The following FOXJ3 variants were observed in gnomAD, a reference collection of about 807,000 sequenced individuals.
FOXJ3 encodes forkhead box protein J3.
FOXJ3 carries 22 observed loss-of-function variants against 76.1 expected under a neutral mutation model. That is an observed-to-expected ratio of 0.29 (90% CI 0.21 to 0.41). The LOEUF (loss-of-function observed/expected upper bound fraction) is 0.41, where lower values mean the gene tolerates loss of function less well. Among genes scored for constraint, FOXJ3 ranks in the 10% least tolerant of loss-of-function variants. The probability of loss-of-function intolerance (pLI) is 1.00; values close to 1 mark genes in which losing one functional copy is unlikely to be tolerated. For synonymous variants in FOXJ3, 269 were observed against 261.2 expected (o/e 1.03, Z -0.29); for missense variants, 613 against 762.1 (o/e 0.80, Z 2.30).
intron 3 of FOXJ3, among the ~76,000 whole-genome samples, chr1:42,275,339 T>G (rs757144378): frequency 7.2e-5 from 11 of 152,216 alleles, no homozygotes; most frequent in Non-Finnish European, 1.3e-4. Flanking sequence ...TTCCTCTACA[T>G]GTATACACAC....
At chr1:42,313,264 G>A (rs538172243) in intron 1 of FOXJ3, among the ~76,000 whole-genome samples, 9 of 151,670 alleles carry the variant, frequency 5.9e-5, no homozygotes, top group Non-Finnish European at 8.8e-5. Flanking sequence ...TTGAACCTGG[G>A]AGGCAGAGGT....
At chr1:42,302,762 T>G (rs1016490170) in intron 2 of FOXJ3, among the ~76,000 whole-genome samples, 1 of 152,204 alleles carries the variant, frequency 6.6e-6, no homozygotes, top group African/African-American at 2.4e-5. Flanking sequence ...GTAGTATTAT[T>G]TTGCACTATA....
At chr1:42,254,929 CA>C (rs1196984744) in intron 4 of FOXJ3, among the ~76,000 whole-genome samples, 1 of 149,760 alleles carries the variant, frequency 6.7e-6, no homozygotes, top group East Asian at 2.0e-4. Context: ...CTAACCTGCA[CA>C]TTGTGCACAT....
chr1:42,200,146 C>T (rs1355832535), intron 6 of FOXJ3, among the ~76,000 whole-genome samples: 1 of 151,952 alleles, frequency 6.6e-6, no homozygotes, highest in Non-Finnish European at 1.5e-5. Flanking sequence ...CTTTGAGAAC[C>T]ACTGATACAC....
chr1:42,212,944 A>G (rs548695185), intron 5 of FOXJ3, among the ~76,000 whole-genome samples: 1 of 99,972 alleles, frequency 1.0e-5, no homozygotes, highest in South Asian at 3.2e-4. Flanking sequence ...TCAGCCAAGA[A>G]TTTTGTATCT....
chr1:42,237,351 G>A (rs1648729983), intron 4 of FOXJ3, among the ~76,000 whole-genome samples: 1 of 148,700 alleles, frequency 6.7e-6, no homozygotes, highest in Admixed American at 6.7e-5. Flanking sequence ...CTCCAGCCTG[G>A]GCAACAGGGC....
chr1:42,210,328 T>A (rs1455066633), intron 5 of FOXJ3, among the ~76,000 whole-genome samples: 1 of 152,228 alleles, frequency 6.6e-6, no homozygotes, highest in East Asian at 1.9e-4. Flanking sequence ...CCTGGTAGCA[T>A]AACACAACAG....
At chr1:42,269,578 G>A (rs1031199453) in intron 3 of FOXJ3, among the ~76,000 whole-genome samples, 1 of 152,122 alleles carries the variant, frequency 6.6e-6, no homozygotes, top group African/African-American at 2.4e-5. Context: ...TTCCTAACGT[G>A]TATTTCCAAC....
chr1:42,263,853 T>C (rs1490774130), intron 4 of FOXJ3, among the ~76,000 whole-genome samples: 1 of 151,210 alleles, frequency 6.6e-6, no homozygotes. Context: ...TGAACCCTAC[T>C]TGCATAAATT....
intron 5 of FOXJ3, among the ~76,000 whole-genome samples, chr1:42,225,041 A>T (rs1647440194): frequency 6.6e-6 from 1 of 151,778 alleles, no homozygotes; most frequent in African/African-American, 2.4e-5. Context: ...GCACCACTGC[A>T]CTCTAGCCTG....
intron 5 of FOXJ3, among the ~76,000 whole-genome samples, chr1:42,207,987 A>AT (rs1646893529): frequency 6.6e-6 from 1 of 152,218 alleles, no homozygotes; most frequent in Non-Finnish European, 1.5e-5. Context: ...CAACTCAGTC[A>AT]TCTCAGTCTG....
In FOXJ3 at chr1:42,331,822, GCTT is replaced by G. The variant is rs1656181431; in HGVS notation, c.-18+3234_-18+3236del. Among the ~76,000 whole-genome samples the G allele has an allele frequency of 4.2e-5, 3 of 71,060 alleles. No individual in the cohort carries two copies. In the South Asian group the frequency reaches 1.2e-3, roughly 28 times the overall value. The allele number at this position is 71,060 out of a possible 152,430, so 46.6% of individuals were successfully genotyped here. A position where few individuals can be genotyped will look rare whatever the true frequency, so the allele number is the denominator to read the frequency against. The stretch of plus-strand genomic sequence containing the variant: ...GGTATGTGAATTATACTTCAAGAAA[GCTT>G]TTTTAAAAAAAAAAAAGAATAAAAG... On this transcript the variant is annotated intron_variant, in intron 1 of 12. Coordinates refer to ENST00000361346, the MANE Select transcript of FOXJ3 (RefSeq NM_014947.5).
intron 5 of FOXJ3, among the ~76,000 whole-genome samples, chr1:42,224,360 TAACAG>T (rs1202908515): frequency 1.3e-5 from 2 of 151,754 alleles, no homozygotes; most frequent in Non-Finnish European, 2.9e-5. Context: ...AATATAATAA[TAACAG>T]AACAGAGAGC....
At position 42,297,556 on chromosome 1, in the gene FOXJ3, G is replaced by A. The variant is rs151080460; in HGVS notation, c.44+13494C>T. Reference sequence around the variant, plus strand: ...TGGGGTTTGGTTCTATTTATGTGGTGAATCATGTTTATTGATTTGCATATG... The same window carrying A: ...TGGGGTTTGGTTCTATTTATGTGGTAAATCATGTTTATTGATTTGCATATG... On this transcript the variant is annotated intron_variant, in intron 2 of 12. Coordinates refer to ENST00000361346, the MANE Select transcript of FOXJ3 (RefSeq NM_014947.5). Among the ~76,000 whole-genome samples, 723 of 152,286 alleles carry A rather than the reference G, an allele frequency of 4.7e-3. 2 individuals carry two copies. The highest frequency in any genetic ancestry group is 8.8e-3 in the Non-Finnish European group (600 of 68,024).
intron 2 of FOXJ3, among the ~76,000 whole-genome samples, chr1:42,310,504 G>A (rs950921597): frequency 6.7e-6 from 1 of 149,214 alleles, no homozygotes; most frequent in Non-Finnish European, 1.5e-5. Context: ...CTGGAGTGCA[G>A]TGGCACGATC....
At chr1:42,202,465 T>A (rs567986436) in intron 6 of FOXJ3, among the ~76,000 whole-genome samples, 1 of 152,032 alleles carries the variant, frequency 6.6e-6, no homozygotes, top group Non-Finnish European at 1.5e-5. Flanking sequence ...TCAAGCAAAC[T>A]AATAAACGTA....
chr1:42,265,229 C>G, intron 3 of FOXJ3, 40 bp from the exon 4 acceptor site: 1 of 1,093,424 alleles, frequency 9.1e-7, no homozygotes, highest in Non-Finnish European at 1.3e-6. Context: ...CAATAAAATC[C>G]AAAAAACATA....
At chr1:42,310,947 T>C in intron 2 of FOXJ3, 103 bp downstream of exon 2, 3 of 692,828 alleles carry the variant, frequency 4.3e-6, no homozygotes, top group Middle Eastern at 3.7e-4. Context: ...GCTACAATAT[T>C]TTATTCTGAA....
At chr1:42,289,118 G>C (rs1159062343) in intron 2 of FOXJ3, among the ~76,000 whole-genome samples, 3 of 151,728 alleles carry the variant, frequency 2.0e-5, no homozygotes, top group Non-Finnish European at 4.4e-5. Flanking sequence ...TTTAAGGGAC[G>C]AAAAATAAGC....
Sources: allele counts gnomAD v4.1 joint callset (sites outside exome capture counted in the v4.1 genomes callset), GRCh38; gene constraint gnomAD v4.1.1; transcripts MANE v1.5; gene names NCBI Gene and HGNC (gene_info 2026-07-23, HGNC 2026-07-21).